AHNAK: variants seen among roughly 807,000 people sequenced by gnomAD.
The protein encoded by AHNAK is neuroblast differentiation-associated protein AHNAK.
In AHNAK, 23 loss-of-function variants were observed where a neutral mutation model predicts 37.8. The observed-to-expected ratio is 0.61, with a 90% CI of 0.44 to 0.86. The LOEUF is 0.86. Ranked by LOEUF, AHNAK falls within the 40% of genes least tolerant of loss-of-function variation. AHNAK has a pLI of 0.00. For synonymous variants in AHNAK, 2,481 were observed against 2,636.3 expected (o/e 0.94, Z 1.80); for missense variants, 7,411 against 7,319.4 (o/e 1.01, Z -0.46).
intron 5 of AHNAK, among the ~76,000 whole-genome samples, chr11:62,448,317 G>T (rs1351808182): frequency 1.3e-5 from 2 of 152,182 alleles, no homozygotes; most frequent in African/African-American, 4.8e-5. Context: ...GTTACTAAAA[G>T]ATCCCTGTGG....
chr11:62,467,933 GC>G (rs1279373506), intron 5 of AHNAK, among the ~76,000 whole-genome samples: 3 of 152,156 alleles, frequency 2.0e-5, no homozygotes, highest in Non-Finnish European at 4.4e-5. Flanking sequence ...ACTTCCTGAA[GC>G]CTTATCTCAG....
In AHNAK at chr11:62,531,703, T is replaced by G; in HGVS notation, c.2714A>C (p.Asp905Ala). The change falls in exon 5 of 5, where the codon GAT becomes GCT. Residue 905 changes from aspartate (D) to alanine (A), a missense_variant. Physicochemically the swap from Asp to Ala is moderately radical, Grantham distance 126 (BLOSUM62 -2). Transcript: ENST00000378024. Reference sequence around the variant, plus strand: ...CACCTTGGGTCCTGAGATGTCCACATCAGCCTTGGGCAGGTTCACATCCAC... The same window carrying G: ...CACCTTGGGTCCTGAGATGTCCACAGCAGCCTTGGGCAGGTTCACATCCAC... ...PEVDVNLPKA[D>A]VDISGPKVGV... The G allele has an allele frequency of 3.7e-6, 6 of 1,614,200 alleles. No homozygotes were observed. Among genetic ancestry groups the G allele is most frequent in the Non-Finnish European group, 4.2e-6 (5 of 1,180,034 alleles).
intron 5 of AHNAK, among the ~76,000 whole-genome samples, chr11:62,458,136 T>A (rs1183639930): frequency 6.6e-6 from 1 of 151,918 alleles, no homozygotes; most frequent in Non-Finnish European, 1.5e-5. Context: ...ACCAGGCTGG[T>A]CTCAAACTCC....
chr11:62,531,450 C>A lies in AHNAK; in HGVS notation c.2967G>T (p.Met989Ile). The A allele has an allele frequency of 6.2e-7, 1 of 1,614,222 alleles. No homozygotes were observed. The highest frequency in any genetic ancestry group is 1.1e-5 in the South Asian group (1 of 91,080). Residue 989 changes from methionine to isoleucine, a missense_variant, in exon 5 of 5, where the codon ATG becomes ATT. Met to Ile is a conservative substitution (Grantham distance 10). Transcript: ENST00000378024. Reference protein sequence around the residue: ...KVDVSAPDVEMQGPDWNLKMP... With the variant: ...KVDVSAPDVEIQGPDWNLKMP... The stretch of plus-strand genomic sequence containing the variant: ...TCTTCAAGTTCCAGTCAGGACCCTG[C>A]ATTTCAACATCTGGGGCACTGACAT...
rs775387382 is a variant in AHNAK at position 62,527,842 on chromosome 11, T to G, written c.6575A>C (p.Asn2192Thr). The change falls in exon 5 of 5, where the codon AAC (asparagine) becomes ACC (threonine). Residue 2192 changes from asparagine to threonine, a missense_variant. Asn to Thr is a moderately conservative substitution (Grantham distance 65). Transcript: ENST00000378024. ...CCCTTTGACTTTGGGGCCTTTCAAGTTTAAGTTCACATCAGGCATGGAGAT... is the reference window on the plus strand; with the variant it reads ...CCCTTTGACTTTGGGGCCTTTCAAGGTTAAGTTCACATCAGGCATGGAGAT... Reference protein sequence around the residue: ...PKISMPDVNLNLKGPKVKGDM... With the variant: ...PKISMPDVNLTLKGPKVKGDM... The G allele has an allele frequency of 6.2e-7, 1 of 1,613,224 alleles. No homozygotes were observed. Among genetic ancestry groups the G allele is most frequent in the South Asian group, 1.1e-5 (1 of 91,018 alleles).
intron 5 of AHNAK, among the ~76,000 whole-genome samples, chr11:62,485,469 G>A (rs188403191): frequency 2.0e-5 from 3 of 152,072 alleles, no homozygotes; most frequent in East Asian, 1.9e-4. Flanking sequence ...TTGGGAGTCC[G>A]AGGCGGGCGG....
rs3819120 is a variant in AHNAK, at chr11:62,516,200, A to G, written c.*544T>C. ...ACCACCCCTGGGTGAAAGAAACAAC[A>G]CTAAAGAACCCTAAAAACACCCACA... is the stretch of plus-strand genomic sequence containing the variant. On this transcript the variant is annotated 3_prime_UTR_variant, in exon 5 of 5. Transcript: ENST00000378024. The G allele has an allele frequency of 1.4e-4, 179 of 1,289,150 alleles. 1 individual carries two copies. In the East Asian group the frequency reaches 8.4e-3, roughly 60 times the overall value. The allele number at this position is 1,289,150 out of a possible 1,614,324, so 79.9% of individuals were successfully genotyped here.
Position 62,533,005 on chromosome 11 carries a change from A to T in AHNAK, c.1412T>A (p.Leu471Gln). The change falls in exon 5 of 5, where the codon CTG becomes CAG. Residue 471 changes from leucine to glutamine, a missense_variant. By Grantham distance (113) the Leu-to-Gln change is moderately radical. Transcript: ENST00000378024. ...TVPGVSGDVS[L>Q]PEIATGGLEG... The stretch of plus-strand genomic sequence containing the variant: ...CAGCCCACCAGTAGCAATCTCAGGC[A>T]GGCTGACATCCCCAGAGACCCCAGG... The T allele has an allele frequency of 6.2e-7, 1 of 1,614,156 alleles. No individual in the cohort carries two copies. Among genetic ancestry groups the T allele is most frequent in the Non-Finnish European group, 8.5e-7 (1 of 1,180,038 alleles).
chr11:62,496,548 G>A (rs1460534819), intron 4 of AHNAK, among the ~76,000 whole-genome samples: 1 of 152,134 alleles, frequency 6.6e-6, no homozygotes, highest in Non-Finnish European at 1.5e-5. Context: ...TGTAATCCCA[G>A]CACTTTGGGA....
chr11:62,530,907 G>T lies in AHNAK; in HGVS notation c.3510C>A (p.Ser1170Arg), dbSNP rs758468483. Reference protein sequence around the residue: ...PKVDIEAPDVSLEGPEGKLKG... With the variant: ...PKVDIEAPDVRLEGPEGKLKG... The stretch of plus-strand genomic sequence containing the variant: ...TCAGCTTCCCTTCTGGACCTTCGAG[G>T]CTCACATCTGGGGCTTCGATGTCCA... The change falls in exon 5 of 5, where the codon AGC (serine) becomes AGA (arginine). Residue 1170 changes from serine to arginine, a missense_variant. Ser to Arg is a moderately radical substitution (Grantham distance 110). Coordinates refer to ENST00000378024, the MANE Select transcript of AHNAK (RefSeq NM_001620.3). 2 of 1,613,176 alleles carry T rather than the reference G, an allele frequency of 1.2e-6. No homozygotes were observed. Among genetic ancestry groups the T allele is most frequent in the Non-Finnish European group, 1.7e-6 (2 of 1,179,862 alleles).
At chr11:62,484,052 A>AAAT (rs1565209869) in intron 5 of AHNAK, among the ~76,000 whole-genome samples, 29 of 150,568 alleles carry the variant, frequency 1.9e-4, no homozygotes, top group Admixed American at 3.3e-4. Flanking sequence ...AAAAAAAAAA[A>AAAT]AAAAGAAAGG....
chr11:62,455,148 G>C (rs1331019718), intron 5 of AHNAK, among the ~76,000 whole-genome samples: 2 of 151,448 alleles, frequency 1.3e-5, no homozygotes, highest in African/African-American at 4.8e-5. Flanking sequence ...GGTCAGGCTG[G>C]TGTCCAACTC....
At chr11:62,481,516 A>T (rs1406835184) in intron 5 of AHNAK, among the ~76,000 whole-genome samples, 10 of 151,864 alleles carry the variant, frequency 6.6e-5, no homozygotes, top group Admixed American at 6.6e-4. Context: ...GCTACCCAAA[A>T]ACCTCCCTAG....
intron 5 of AHNAK, among the ~76,000 whole-genome samples, chr11:62,438,933 C>G (rs935364169): frequency 3.3e-5 from 5 of 152,062 alleles, no homozygotes; most frequent in Admixed American, 1.3e-4. Context: ...GACTATGCAG[C>G]CTGCCATCCT....
chr11:62,498,427 A>AATTATAATTACACTATATG (rs1565214839), intron 4 of AHNAK, among the ~76,000 whole-genome samples: 60 of 139,352 alleles, frequency 4.3e-4, no homozygotes, highest in African/African-American at 1.6e-3. Context: ...TACACTATAT[A>AATTATAATTACACTATATG]GTGTAATTAT....
intron 5 of AHNAK, among the ~76,000 whole-genome samples, chr11:62,463,069 A>G (rs1339348730): frequency 7.1e-6 from 1 of 141,522 alleles, no homozygotes; most frequent in Non-Finnish European, 1.5e-5. Flanking sequence ...GGTTGCAGTG[A>G]GGCGAGATCG....
chr11:62,545,338 A>T (rs1450758832), intron 1 of AHNAK, among the ~76,000 whole-genome samples: 1 of 152,126 alleles, frequency 6.6e-6, no homozygotes, highest in Non-Finnish European at 1.5e-5. Context: ...GAGAACACCC[A>T]TCTGCCCCCT....
In AHNAK at chr11:62,445,803, G is replaced by A. The variant is rs1938413291; in HGVS notation, c.443-11912C>T. ...AGGCTGAGGCAGCCAAATCACCTGAGGTTAGGAGTTCCCGACCAACCTGGC... is the reference window on the plus strand; with the variant it reads ...AGGCTGAGGCAGCCAAATCACCTGAAGTTAGGAGTTCCCGACCAACCTGGC... On this transcript the variant is annotated intron_variant, in intron 5 of 5. Coordinates refer to the AHNAK transcript ENST00000257247. Among the ~76,000 whole-genome samples the A allele has an allele frequency of 2.6e-5, 4 of 151,976 alleles. No individual in the cohort carries two copies. The South Asian group carries it at 8.3e-4, about 31-fold the overall frequency.
At chr11:62,490,551 C>T (rs974201170) in intron 5 of AHNAK, among the ~76,000 whole-genome samples, 4 of 151,976 alleles carry the variant, frequency 2.6e-5, no homozygotes, top group Non-Finnish European at 4.4e-5. Context: ...ATATGCTGAA[C>T]GGACATTCAC....
Sources: allele counts gnomAD v4.1 joint callset (sites outside exome capture counted in the v4.1 genomes callset), GRCh38; gene constraint gnomAD v4.1.1; transcripts MANE v1.5; gene names NCBI Gene and HGNC (gene_info 2026-07-23, HGNC 2026-07-21).